The following BRSK1 variants were observed in gnomAD, a reference collection of about 807,000 sequenced individuals.
The protein encoded by BRSK1 is serine/threonine-protein kinase BRSK1.
In BRSK1, 17 loss-of-function variants were observed where a neutral mutation model predicts 86.2. The observed-to-expected ratio is 0.20, with a 90% CI of 0.14 to 0.30. The LOEUF (loss-of-function observed/expected upper bound fraction) is 0.30. Ranked by LOEUF, BRSK1 falls within the 10% of genes least tolerant of loss-of-function variation. The pLI is 1.00. For missense variants in BRSK1, 719 were observed against 1,071.9 expected (o/e 0.67, Z 4.60); for synonymous variants, 464 against 440.1 (o/e 1.05, Z -0.68).
At chr19:55,308,951 G>A (rs541087123) in intron 18 of BRSK1, among the ~76,000 whole-genome samples, 67 of 152,162 alleles carry the variant, frequency 4.4e-4, no homozygotes, top group Non-Finnish European at 6.9e-4. Context: ...CTTATCTGCA[G>A]AGTTGTGAGC....
rs1264436875 is a variant in BRSK1 at position 55,284,092 on chromosome 19, G to T, written c.-351G>T. 2 of 450,050 alleles carry T rather than the reference G, an allele frequency of 4.4e-6. No individual in the cohort carries two copies. The highest frequency in any genetic ancestry group is 7.2e-6 in the Non-Finnish European group (2 of 278,342). 27.9% of individuals were successfully genotyped at this position (450,050 alleles called of 1,614,324 possible). A position where few individuals can be genotyped will look rare whatever the true frequency, so the allele number is the denominator to read the frequency against. ...GAGGAGAGAGGGCGCGTGGGGGGGC[G>T]GGGGGGACCTCGGCCTGCAGCATCC... On this transcript the variant is annotated 5_prime_UTR_variant, in exon 1 of 19. Transcript: ENST00000309383.
intron 18 of BRSK1, among the ~76,000 whole-genome samples, chr19:55,311,592 A>G (rs1051057790): frequency 1.3e-5 from 2 of 152,192 alleles, no homozygotes; most frequent in Non-Finnish European, 2.9e-5. Flanking sequence ...CCTAGCGAAC[A>G]GTATCATAAC....
chr19:55,292,062 G>T (rs2088415146), intron 4 of BRSK1, among the ~76,000 whole-genome samples: 1 of 152,150 alleles, frequency 6.6e-6, no homozygotes, highest in Admixed American at 6.5e-5. Context: ...ACCCGGCCCT[G>T]TTTAAATTTT....
rs1031846173 is a variant in BRSK1 at position 55,284,031 on chromosome 19, G to A, written c.-412G>A. 4 of 1,237,448 alleles carry A rather than the reference G, an allele frequency of 3.2e-6. No homozygotes were observed. Among genetic ancestry groups the A allele is most frequent in the Non-Finnish European group, 4.0e-6 (4 of 991,556 alleles). The allele number at this position is 1,237,448 out of a possible 1,614,324, so 76.7% of individuals were successfully genotyped here. On this transcript the variant is annotated 5_prime_UTR_variant, in exon 1 of 19. Transcript: ENST00000309383. ...TGTCAGCGTGCCGGAGAGAAAGGAC[G>A]AGGTGGCGGGGGGAGGCGGAGAGGA...
chr19:55,300,349 T>A (rs1228072971), intron 7 of BRSK1, among the ~76,000 whole-genome samples: 1 of 152,164 alleles, frequency 6.6e-6, no homozygotes, highest in Non-Finnish European at 1.5e-5. Context: ...CCCATTGCCA[T>A]TTTCAGAGCA....
intron 7 of BRSK1, among the ~76,000 whole-genome samples, chr19:55,296,060 T>C (rs2088482001): frequency 6.6e-6 from 1 of 152,126 alleles, no homozygotes; most frequent in South Asian, 2.1e-4. Context: ...CTATTAGCCT[T>C]GTTGCTCACC....
chr19:55,301,761 C>CA, intron 8 of BRSK1, 103 bp downstream of exon 8: 2 of 1,364,244 alleles, frequency 1.5e-6, no homozygotes, highest in Non-Finnish European at 2.0e-6. Flanking sequence ...GCTCGTCAGT[C>CA]CCCAGGGTGA....
chr19:55,303,448 G>C lies in BRSK1; in HGVS notation c.1126+40G>C. On this transcript the variant is annotated intron_variant, in intron 11 of 18. Coordinates refer to ENST00000309383, the MANE Select transcript of BRSK1 (RefSeq NM_032430.2). The surrounding 1 kb of genome is among the most constrained non-coding windows in gnomAD (Gnocchi z 5.1). ...CTAGGGGACCAGACACCTGGGTCTC[G>C]AGATTGGAAGAGGCTGGCCACGGGG... 1 of 1,592,168 alleles carries C rather than the reference G, an allele frequency of 6.3e-7. No homozygotes were observed. Among genetic ancestry groups the C allele is most frequent in the Non-Finnish European group, 8.6e-7 (1 of 1,160,478 alleles).
chr19:55,302,721 G>C lies in BRSK1; in HGVS notation c.882G>C (p.Pro294=). 3.7e-6 allele frequency: 6 copies of C among 1,612,230 alleles called. No homozygotes were observed. The highest frequency in any genetic ancestry group is 5.1e-6 in the Non-Finnish European group (6 of 1,178,932). Residue 294 remains proline, a synonymous_variant, in exon 10 of 19, where the codon CCG becomes CCC. Coordinates refer to ENST00000309383, the MANE Select transcript of BRSK1 (RefSeq NM_032430.2). The surrounding 1 kb of genome is among the most constrained non-coding windows in gnomAD (Gnocchi z 6.3). ...WYLGGKHEPD[P]CLEPAPGRRV... is the part of the protein sequence containing the mutation. ...GAGGCGGGAAACACGAGCCAGACCC[G>C]TGCCTGGAGCCAGCCCCTGGCCGCC...
chr19:55,309,249 C>T (rs888718634), intron 18 of BRSK1, among the ~76,000 whole-genome samples: 14 of 152,146 alleles, frequency 9.2e-5, no homozygotes, highest in South Asian at 2.1e-4. Context: ...GCCTAATGGT[C>T]CCTAGCAACC....
At position 55,304,793 on chromosome 19, in the gene BRSK1, G is replaced by A. The variant is rs977818081; in HGVS notation, c.1590G>A (p.Gly530=). The change falls in exon 14 of 19, where the codon GGG becomes GGA. Residue 530 remains glycine, a synonymous_variant. Transcript: ENST00000309383. This position sits in a 1 kb window ranked among gnomAD's most constrained non-coding sequence, Gnocchi z 5.2. ...ACACGCCCCGGGCCAGTCCCACCGG[G>A]ACCCCGGGGACAACACCACCCCCCA... ...PLHTPRASPT[G]TPGTTPPPSP... 1.7e-5 allele frequency: 26 copies of A among 1,566,630 alleles called. 1 individual carries two copies. The highest frequency in any genetic ancestry group is 4.2e-4 in the Middle Eastern group (2 of 4,706).
intron 3 of BRSK1, among the ~76,000 whole-genome samples, chr19:55,288,330 G>C (rs1177139837): frequency 6.6e-6 from 1 of 151,860 alleles, no homozygotes; most frequent in Non-Finnish European, 1.5e-5. Flanking sequence ...ACAAAAATTA[G>C]CTGAGTGTGG....
chr19:55,301,848 T>C (rs1195924871), intron 8 of BRSK1, among the ~76,000 whole-genome samples, 190 bp downstream of exon 8: 3 of 151,976 alleles, frequency 2.0e-5, no homozygotes, highest in Admixed American at 1.3e-4. Context: ...CTACGCAAGA[T>C]TGGGGCGGGG....
chr19:55,284,527 C>CCCCCAA lies in BRSK1; in HGVS notation c.85_86insCCCCAA (p.Gln29delinsProProLys). The CCCCCAA allele has an allele frequency of 1.5e-6, 2 of 1,337,822 alleles. No individual in the cohort carries two copies. Among genetic ancestry groups the CCCCCAA allele is most frequent in the Non-Finnish European group, 9.7e-7 (1 of 1,034,312 alleles). 82.9% of individuals were successfully genotyped at this position (1,337,822 alleles called of 1,614,324 possible). A position where few individuals can be genotyped will look rare whatever the true frequency, so the allele number is the denominator to read the frequency against. ...CCACCCCCACCCACCCCAGCACGCC[C>CCCCCAA]AATATGTGGGCCCCTATCGGCTGGA... On this transcript the variant is annotated protein_altering_variant, in exon 1 of 19. Coordinates refer to ENST00000309383, the MANE Select transcript of BRSK1 (RefSeq NM_032430.2).
At chr19:55,311,737 C>T (rs1163687073) in intron 18 of BRSK1, among the ~76,000 whole-genome samples, 174 bp from the exon 19 acceptor site, 1 of 152,140 alleles carries the variant, frequency 6.6e-6, no homozygotes. Context: ...GTGTGTCCTC[C>T]GAGTAACCAA....
rs2088587761 is a variant in BRSK1 at position 55,302,556 on chromosome 19, G to A, written c.858-141G>A. On this transcript the variant is annotated intron_variant, in intron 9 of 18. Transcript: ENST00000309383. This position sits in a 1 kb window ranked among gnomAD's most constrained non-coding sequence, Gnocchi z 6.3. ...GGGTCTGAGATGGGGGGCGAGGTCT[G>A]GGGCGTCTGGATTCCTGGGTATGAG... 1 of 1,120,304 alleles carries A rather than the reference G, an allele frequency of 8.9e-7. No homozygotes were observed. The highest frequency in any genetic ancestry group is 1.6e-5 in the African/African-American group (1 of 63,982). The allele number at this position is 1,120,304 out of a possible 1,614,324, so 69.4% of individuals were successfully genotyped here.
Position 55,305,451 on chromosome 19 carries a change from C to A in BRSK1, c.1767-12C>A, listed in dbSNP as rs373913896. ...CTTCCTAACCCTCCTCCAACCACCC[C>A]CTCCCACTCAGGCTGGCAAAACGCT... On this transcript the variant is annotated splice_polypyrimidine_tract_variant and intron_variant, in intron 15 of 18. Coordinates refer to ENST00000309383, the MANE Select transcript of BRSK1 (RefSeq NM_032430.2). 3.7e-6 allele frequency: 6 copies of A among 1,614,140 alleles called. No homozygotes were observed. The African/African-American group carries it at 8.0e-5, about 22-fold the overall frequency.
Position 55,284,492 on chromosome 19 carries a change from T to TGCCC in BRSK1, c.50_51insGCCC (p.His19ProfsTer32). On this transcript the variant is annotated frameshift_variant, in exon 1 of 19. Coordinates refer to ENST00000309383, the MANE Select transcript of BRSK1 (RefSeq NM_032430.2). LOFTEE classifies it high-confidence loss of function. ...GGTGGGGGCTCTCCCGCCTACCACC[T>TGCCC]CCCCCACCCCCACCCCCACCCACCC... The TGCCC allele has an allele frequency of 2.6e-6, 2 of 776,244 alleles. No homozygotes were observed. Among genetic ancestry groups the TGCCC allele is most frequent in the Non-Finnish European group, 3.7e-6 (2 of 546,154 alleles). The allele number at this position is 776,244 out of a possible 1,614,324, so 48.1% of individuals were successfully genotyped here.
At chr19:55,298,209 C>CTTTTTTTTTTTT (rs71181751) in intron 7 of BRSK1, among the ~76,000 whole-genome samples, 6 of 69,638 alleles carry the variant, frequency 8.6e-5, no homozygotes, top group South Asian at 7.0e-4. Flanking sequence ...TTTGTTTCTT[C>CTTTTTTTTTTTT]TTTTTTTTTT....
Sources: gnomAD v4.1 joint callset for allele counts (sites outside exome capture counted in the v4.1 genomes callset) on GRCh38, gnomAD v4.1.1 for gene constraint, Gnocchi (gnomAD v3.1) non-coding constraint, MANE v1.5 for transcripts, NCBI Gene and HGNC (gene_info 2026-07-23, HGNC 2026-07-21) for gene names.